PCSK6: variants seen among roughly 807,000 people sequenced by gnomAD.
The protein encoded by PCSK6 is proprotein convertase subtilisin/kexin type 6.
PCSK6 carries 85 observed loss-of-function variants against 123.3 expected under a neutral mutation model. The ratio of observed to expected loss-of-function variants is 0.69; its 90% CI spans 0.58 to 0.83. The LOEUF is 0.83. PCSK6 is among the 40% of genes least tolerant of loss of function. PCSK6 has a pLI of 0.00. For missense variants in PCSK6, 1,191 were observed against 1,282.3 expected, an observed-to-expected ratio of 0.93 and a Z score of 1.09; for synonymous variants, 508 against 516.0, an observed-to-expected ratio of 0.98 and a Z score of 0.21.
intron 13 of PCSK6, among the ~76,000 whole-genome samples, chr15:101,361,610 C>T (rs1036391746): frequency 2.6e-5 from 4 of 152,190 alleles, no homozygotes; most frequent in Middle Eastern, 3.4e-3. Context: ...AATGATGAGG[C>T]GCAGGAAATG....
chr15:101,465,708 A>C (rs6598479), intron 1 of PCSK6, among the ~76,000 whole-genome samples: 126,310 of 152,088 alleles, frequency 0.83, 52,962 homozygotes, highest in African/African-American at 0.91. Flanking sequence ...ATTGGTAATG[A>C]TCTAAGGCAC....
intron 13 of PCSK6, among the ~76,000 whole-genome samples, chr15:101,350,587 A>C (rs1320965356): frequency 2.0e-5 from 3 of 152,272 alleles, no homozygotes; most frequent in Non-Finnish European, 4.4e-5. Flanking sequence ...ACAGCAGTTA[A>C]ACCAATGGCA....
In PCSK6 at chr15:101,357,576, G is replaced by A. The variant is rs80256786; in HGVS notation, c.1858+8620C>T. Reference sequence around the variant, plus strand: ...CCTGCCTCCCTGTGTACACAATAGCGTCATAGCGTGCAGGCAGGCTGGGCT... The same window carrying A: ...CCTGCCTCCCTGTGTACACAATAGCATCATAGCGTGCAGGCAGGCTGGGCT... On this transcript the variant is annotated intron_variant, in intron 13 of 21. Coordinates refer to ENST00000611716, the MANE Select transcript of PCSK6 (RefSeq NM_002570.5). 8.9e-3 allele frequency among the ~76,000 whole-genome samples: 1,359 copies of A among 152,336 alleles called. 26 individuals are homozygous for A. Among genetic ancestry groups the A allele is most frequent in the African/African-American group, 0.031 (1,280 of 41,578 alleles).
At chr15:101,440,562 C>T (rs1409129766) in intron 2 of PCSK6, among the ~76,000 whole-genome samples, 6 of 152,148 alleles carry the variant, frequency 3.9e-5, no homozygotes, top group East Asian at 1.9e-4. Context: ...AATAAGATAC[C>T]GTCTGCATTT....
rs1000186302 is a variant in PCSK6, at chr15:101,371,609, A to G, written c.1533-1086T>C. On this transcript the variant is annotated intron_variant, in intron 11 of 21. Transcript: ENST00000611716. ...ACTGGCCTGAGAATTTCCAAGGATT[A>G]ACCCATTTAATCCAGAGGGAAATTA... is the stretch of plus-strand genomic sequence containing the variant. Among the ~76,000 whole-genome samples the G allele has an allele frequency of 3.3e-5, 5 of 152,372 alleles. No homozygotes were observed. The South Asian group carries it at 1.0e-3, about 32-fold the overall frequency.
At chr15:101,374,304 A>G (rs1222306353) in intron 11 of PCSK6, among the ~76,000 whole-genome samples, 1 of 151,938 alleles carries the variant, frequency 6.6e-6, no homozygotes, top group Non-Finnish European at 1.5e-5. Flanking sequence ...TTTCCAATGC[A>G]TAATACTATC....
At chr15:101,465,173 G>A (rs1370910562) in intron 1 of PCSK6, among the ~76,000 whole-genome samples, 7 of 152,230 alleles carry the variant, frequency 4.6e-5, no homozygotes, top group African/African-American at 7.2e-5. Context: ...GGCAATCAGC[G>A]TGTGTGGTGA....
At chr15:101,477,124 C>T (rs2057751406) in intron 1 of PCSK6, among the ~76,000 whole-genome samples, 1 of 152,174 alleles carries the variant, frequency 6.6e-6, no homozygotes. Flanking sequence ...GCCAGCTACG[C>T]CAAGGTACAC....
chr15:101,323,808 A>G (rs1024993245), intron 17 of PCSK6, among the ~76,000 whole-genome samples: 1 of 151,884 alleles, frequency 6.6e-6, no homozygotes, highest in Non-Finnish European at 1.5e-5. Flanking sequence ...TCTTGTCCAC[A>G]GGGGTAACGG....
chr15:101,431,650 T>G (rs1302828957), intron 3 of PCSK6, 187 bp from the exon 4 acceptor site: 1 of 733,224 alleles, frequency 1.4e-6, no homozygotes, highest in East Asian at 2.7e-5. Context: ...ACGGCTCCCT[T>G]GCTTTTTCTG....
intron 13 of PCSK6, among the ~76,000 whole-genome samples, chr15:101,339,066 C>A (rs2040544680): frequency 6.6e-6 from 1 of 152,118 alleles, no homozygotes; most frequent in African/African-American, 2.4e-5. Context: ...AAAGTACCAG[C>A]AATAATGAAG....
In PCSK6 at chr15:101,326,849, C is replaced by T. The variant is rs568840292; in HGVS notation, c.2078-370G>A. Among the ~76,000 whole-genome samples the T allele has an allele frequency of 7.6e-4, 116 of 152,356 alleles. 1 individual carries two copies. The highest frequency in any genetic ancestry group is 2.7e-3 in the African/African-American group (114 of 41,578). ...TCATTCACTCACTTGCACCAGTCAT[C>T]ATGCTGGGACCAGCCAGCACCTTTG... On this transcript the variant is annotated intron_variant, in intron 15 of 21. Coordinates refer to ENST00000611716, the MANE Select transcript of PCSK6 (RefSeq NM_002570.5).
In PCSK6 at chr15:101,313,067, A is replaced by G. The variant is rs1275658664; in HGVS notation, c.2699+309T>C. The stretch of plus-strand genomic sequence containing the variant: ...TGATTATCGACAGTGCAAAGGATGC[A>G]TGCTGAGCGCGACATGGGCAGGGAC... On this transcript the variant is annotated intron_variant, in intron 20 of 21. Transcript: ENST00000611716. 5 of 1,298,188 alleles carry G rather than the reference A, an allele frequency of 3.9e-6. No individual in the cohort carries two copies. The South Asian group carries it at 4.7e-5, about 12-fold the overall frequency. The allele number at this position is 1,298,188 out of a possible 1,614,324, so 80.4% of individuals were successfully genotyped here.
At chr15:101,355,129 C>T (rs750728387) in intron 13 of PCSK6, among the ~76,000 whole-genome samples, 4 of 152,186 alleles carry the variant, frequency 2.6e-5, no homozygotes, top group Admixed American at 6.5e-5. Flanking sequence ...TGGGTTGCTG[C>T]TCTTTTGGAA....
At chr15:101,469,190 C>T in intron 1 of PCSK6, among the ~76,000 whole-genome samples, 1 of 152,146 alleles carries the variant, frequency 6.6e-6, no homozygotes. Context: ...AAGAGCCTTA[C>T]AACTCCTGCT....
intron 4 of PCSK6, among the ~76,000 whole-genome samples, chr15:101,430,325 C>G (rs964386733): frequency 1.3e-5 from 2 of 152,108 alleles, no homozygotes; most frequent in South Asian, 4.1e-4. Context: ...AGAACCCTTT[C>G]AACCTGCAAA....
chr15:101,421,351 T>C (rs1306436349), intron 6 of PCSK6, among the ~76,000 whole-genome samples: 1 of 152,230 alleles, frequency 6.6e-6, no homozygotes, highest in Non-Finnish European at 1.5e-5. Context: ...AGAAAATTGG[T>C]TAAACTATGT....
intron 13 of PCSK6, among the ~76,000 whole-genome samples, chr15:101,350,072 C>T (rs2040851326): frequency 2.0e-5 from 3 of 152,024 alleles, no homozygotes; most frequent in Admixed American, 2.0e-4. Flanking sequence ...CCATGCCCGG[C>T]TAATTTTTGT....
In PCSK6 at chr15:101,474,808, C is replaced by A. The variant is rs2057690411; in HGVS notation, c.297+14566G>T. Among the ~76,000 whole-genome samples the A allele has an allele frequency of 2.0e-5, 3 of 152,302 alleles. No homozygotes were observed. The South Asian group carries it at 6.2e-4, about 32-fold the overall frequency. On this transcript the variant is annotated intron_variant, in intron 1 of 21. Coordinates refer to ENST00000611716, the MANE Select transcript of PCSK6 (RefSeq NM_002570.5). ...CTGCTAACACTGTTTTGCCTCCATC[C>A]CTGCAGCAGCTCCCCACCACTGCCT...
Sources: gnomAD v4.1 joint callset for allele counts (sites outside exome capture counted in the v4.1 genomes callset) on GRCh38, gnomAD v4.1.1 for gene constraint, MANE v1.5 for transcripts, NCBI Gene and HGNC (gene_info 2026-07-23, HGNC 2026-07-21) for gene names.